UNC13C: variants seen among roughly 807,000 people sequenced by gnomAD.
The protein encoded by UNC13C is unc-13 homolog C, also known as protein unc-13 homolog C.
In UNC13C, 174 loss-of-function variants were observed where a neutral mutation model predicts 245.4. That is an observed-to-expected ratio of 0.71 (90% CI 0.63 to 0.80). The LOEUF (loss-of-function observed/expected upper bound fraction) is 0.80. Among genes scored for constraint, UNC13C ranks in the 30% least tolerant of loss-of-function variants. The probability of loss-of-function intolerance (pLI) is 0.00; values close to 1 mark genes in which losing one functional copy is unlikely to be tolerated. For missense variants in UNC13C, 2,829 were observed against 2,602.9 expected (o/e 1.09, Z -1.89); for synonymous variants, 992 against 895.1 (o/e 1.11, Z -1.93).
rs1239924717 is a variant in UNC13C at position 54,014,156 on chromosome 15, A to G, written c.1253A>G (p.Glu418Gly). Reference protein sequence around the residue: ...ILTHDIRERKEKGIPSSQTYE... With the variant: ...ILTHDIRERKGKGIPSSQTYE... ...ACTCATGACATCAGAGAAAGAAAAG[A>G]GAAAGGGATACCATCCTCCCAGACA... Residue 418 changes from glutamate to glycine, a missense_variant, in exon 2 of 33, where the codon GAG becomes GGG. By Grantham distance (98) the Glu-to-Gly change is moderately conservative. Transcript: ENST00000260323. 21 of 1,613,744 alleles carry G rather than the reference A, an allele frequency of 1.3e-5. No homozygotes were observed. Among genetic ancestry groups the G allele is most frequent in the Non-Finnish European group, 1.7e-5 (20 of 1,179,848 alleles).
chr15:54,098,455 G>T (rs1197793175), intron 2 of UNC13C, among the ~76,000 whole-genome samples: 1 of 152,082 alleles, frequency 6.6e-6, no homozygotes, highest in Non-Finnish European at 1.5e-5. Context: ...GATTATAGGC[G>T]TGAGCTACCC....
chr15:53,965,858 T>C, the UNC13C span, among the ~76,000 whole-genome samples: 4 of 152,134 alleles, frequency 2.6e-5, no homozygotes, highest in African/African-American at 9.7e-5. Context: ...AGAATGATGA[T>C]TTCCAATTTC....
At chr15:54,109,116 G>C (rs1258596186) in intron 2 of UNC13C, among the ~76,000 whole-genome samples, 1 of 152,028 alleles carries the variant, frequency 6.6e-6, no homozygotes, top group Non-Finnish European at 1.5e-5. Context: ...TTTCCTATTT[G>C]GGATCACAAA....
At chr15:54,007,581 A>T (rs1445466467) in intron 1 of UNC13C, among the ~76,000 whole-genome samples, 1 of 152,092 alleles carries the variant, frequency 6.6e-6, no homozygotes, top group Non-Finnish European at 1.5e-5. Context: ...GGACTCAGGG[A>T]GGGGAACAGC....
chr15:54,467,906 A>G (rs1462750142), intron 19 of UNC13C, among the ~76,000 whole-genome samples: 1 of 151,724 alleles, frequency 6.6e-6, no homozygotes, highest in East Asian at 1.9e-4. Flanking sequence ...TAATATTTCA[A>G]TGGACATGGG....
chr15:54,432,675 C>T (rs1431788453), intron 19 of UNC13C, among the ~76,000 whole-genome samples: 2 of 151,824 alleles, frequency 1.3e-5, no homozygotes. Context: ...ACCCTAACAT[C>T]ACAATTAAAA....
intron 2 of UNC13C, among the ~76,000 whole-genome samples, chr15:54,033,369 C>T (rs1261247570): frequency 6.6e-6 from 1 of 152,082 alleles, no homozygotes. Flanking sequence ...ACCTTAGTTC[C>T]TAATTTTTTT....
At chr15:53,983,554 C>T (rs972089147) in intron 1 of UNC13C, among the ~76,000 whole-genome samples, 1 of 152,052 alleles carries the variant, frequency 6.6e-6, no homozygotes. Flanking sequence ...TACACAAAAA[C>T]TTGCCACAGT....
intron 30 of UNC13C, among the ~76,000 whole-genome samples, chr15:54,598,671 T>C (rs1344586141): frequency 1.3e-5 from 2 of 150,662 alleles, no homozygotes; most frequent in Non-Finnish European, 3.0e-5. Flanking sequence ...TTCTATTAAT[T>C]TGATGATATA....
rs186284716 is a variant in UNC13C at position 54,233,461 on chromosome 15, A to G, written c.3072-1569A>G. On this transcript the variant is annotated intron_variant, in intron 4 of 32. Coordinates refer to ENST00000260323, the MANE Select transcript of UNC13C (RefSeq NM_001080534.3). ...CTTACACATTTGCAATGGTTTTAAT[A>G]TTTCACGCTCACTGCATTTGATCCT... is the stretch of plus-strand genomic sequence containing the variant. Among the ~76,000 whole-genome samples the G allele has an allele frequency of 9.1e-4, 138 of 152,236 alleles. 1 individual carries two copies. The highest frequency in any genetic ancestry group is 3.2e-3 in the African/African-American group (132 of 41,530).
At chr15:54,363,947 C>A (rs1204006226) in intron 17 of UNC13C, among the ~76,000 whole-genome samples, 1 of 152,192 alleles carries the variant, frequency 6.6e-6, no homozygotes, top group African/African-American at 2.4e-5. Flanking sequence ...TATTAAAAAG[C>A]CCAACAAGTG....
At chr15:54,139,032 T>G (rs770035849) in intron 2 of UNC13C, among the ~76,000 whole-genome samples, 6 of 136,114 alleles carry the variant, frequency 4.4e-5, no homozygotes, top group Non-Finnish European at 9.2e-5. Context: ...CGATCTCGAC[T>G]CACTGCAACC....
At chr15:54,432,131 A>G (rs2040884983) in intron 19 of UNC13C, among the ~76,000 whole-genome samples, 1 of 151,596 alleles carries the variant, frequency 6.6e-6, no homozygotes, top group Non-Finnish European at 1.5e-5. Context: ...TTAAATAGCT[A>G]CTCTGTGTCA....
At chr15:53,932,408 G>A in the UNC13C span, among the ~76,000 whole-genome samples, 4 of 152,048 alleles carry the variant, frequency 2.6e-5, no homozygotes, top group African/African-American at 7.2e-5. Context: ...AATATTCACA[G>A]GTACCCCATT....
the UNC13C span, among the ~76,000 whole-genome samples, chr15:53,903,192 C>G: frequency 6.6e-6 from 1 of 152,168 alleles, no homozygotes; most frequent in African/African-American, 2.4e-5. Flanking sequence ...AACTGCAAAG[C>G]TAATGCAGAC....
chr15:53,891,197 T>C, the UNC13C span, among the ~76,000 whole-genome samples: 48,124 of 152,026 alleles, frequency 0.32, 8,091 homozygotes, highest in Middle Eastern at 0.39. Flanking sequence ...TAATCCTGGG[T>C]TCTAATTTGA....
At chr15:53,865,640 A>G in the UNC13C span, among the ~76,000 whole-genome samples, 1 of 152,180 alleles carries the variant, frequency 6.6e-6, no homozygotes, top group African/African-American at 2.4e-5. Context: ...TTAGCCCATA[A>G]CAGTGACATG....
chr15:53,986,249 T>C (rs1894136454), intron 1 of UNC13C, among the ~76,000 whole-genome samples: 1 of 152,060 alleles, frequency 6.6e-6, no homozygotes, highest in African/African-American at 2.4e-5. Flanking sequence ...TGTTTGAACT[T>C]GAAATGGGGA....
In UNC13C at chr15:54,252,230, C is replaced by T. The variant is rs143301253; in HGVS notation, c.3448+1786C>T. On this transcript the variant is annotated intron_variant, in intron 8 of 32. Coordinates refer to ENST00000260323, the MANE Select transcript of UNC13C (RefSeq NM_001080534.3). ...AAAAAAATGATGCCACTCATACCTA[C>T]GAAATGAATTCTTCTTCTAGTCTTT... is the stretch of plus-strand genomic sequence containing the variant. Among the ~76,000 whole-genome samples the T allele has an allele frequency of 1.3e-3, 198 of 151,772 alleles. 2 individuals carry two copies. Among genetic ancestry groups the T allele is most frequent in the Admixed American group, 7.3e-3 (111 of 15,286 alleles).
Sources: gnomAD v4.1 joint callset for allele counts (sites outside exome capture counted in the v4.1 genomes callset) on GRCh38, gnomAD v4.1.1 for gene constraint, MANE v1.5 for transcripts, NCBI Gene and HGNC (gene_info 2026-07-23, HGNC 2026-07-21) for gene names.